Variants in DAB1 observed in about 807,000 individuals in gnomAD.
DAB1 encodes disabled homolog 1.
In DAB1, 15 loss-of-function variants were observed where a neutral mutation model predicts 64.6. The observed-to-expected ratio is 0.23, with a 90% CI of 0.16 to 0.36. DAB1 has a LOEUF of 0.36. DAB1 is among the 10% of genes least tolerant of loss of function. DAB1 has a pLI of 1.00. For missense variants in DAB1, 596 were observed against 706.7 expected, an observed-to-expected ratio of 0.84 and a Z score of 1.78; for synonymous variants, 235 against 251.9, an observed-to-expected ratio of 0.93 and a Z score of 0.64.
At chr1:57,760,585 TTC>T (rs1649032054) in intron 6 of DAB1, among the ~76,000 whole-genome samples, 1 of 148,060 alleles carries the variant, frequency 6.8e-6, no homozygotes, top group African/African-American at 2.5e-5. Context: ...ATATAATTCT[TTC>T]TCTCTCAACT....
chr1:58,325,057 T>C (rs1183172299), intron 4 of DAB1, among the ~76,000 whole-genome samples: 1 of 152,222 alleles, frequency 6.6e-6, no homozygotes, highest in Non-Finnish European at 1.5e-5. Context: ...AGGTCAGACT[T>C]GGCATATGAG....
In DAB1 at chr1:57,314,287, T is replaced by C. The variant is rs574230321; in HGVS notation, c.-136-23121A>G. Among the ~76,000 whole-genome samples the C allele has an allele frequency of 2.6e-5, 4 of 152,334 alleles. No individual in the cohort carries two copies. In the East Asian group the frequency reaches 7.7e-4, roughly 29 times the overall value. Reference sequence around the variant, plus strand: ...GGGGAAACTTTGTCAAAATTGTCCTTGTTATTAATTTTTGAAAAACATCAA... The same window carrying C: ...GGGGAAACTTTGTCAAAATTGTCCTCGTTATTAATTTTTGAAAAACATCAA... On this transcript the variant is annotated intron_variant, in intron 1 of 14. Coordinates refer to ENST00000371236, the MANE Select transcript of DAB1 (RefSeq NM_001365792.1).
chr1:57,228,086 A>G (rs1171661791), intron 2 of DAB1, among the ~76,000 whole-genome samples: 1 of 152,210 alleles, frequency 6.6e-6, no homozygotes, highest in African/African-American at 2.4e-5. Flanking sequence ...CTTTTCCTCT[A>G]TCAACAGACT....
chr1:58,025,091 A>T (rs1459233422), intron 5 of DAB1, among the ~76,000 whole-genome samples: 1 of 142,438 alleles, frequency 7.0e-6, no homozygotes, highest in African/African-American at 2.6e-5. Flanking sequence ...TCCTTCCCTC[A>T]CTCCCTTTTT....
At chr1:57,210,566 C>A (rs969036532) in intron 2 of DAB1, among the ~76,000 whole-genome samples, 2 of 152,062 alleles carry the variant, frequency 1.3e-5, no homozygotes, top group Non-Finnish European at 2.9e-5. Flanking sequence ...ATACCAAAGG[C>A]CTCATTCATC....
chr1:57,382,120 A>G (rs1261458485), intron 1 of DAB1, among the ~76,000 whole-genome samples: 1 of 152,188 alleles, frequency 6.6e-6, no homozygotes, highest in Non-Finnish European at 1.5e-5. Flanking sequence ...CTCAGTTGAG[A>G]GACTCACCTT....
intron 2 of DAB1, among the ~76,000 whole-genome samples, chr1:57,149,322 C>T (rs1659442330): frequency 6.6e-6 from 1 of 152,104 alleles, no homozygotes; most frequent in Non-Finnish European, 1.5e-5. Context: ...TGTATATATT[C>T]AATTCTCTTA....
intron 6 of DAB1, among the ~76,000 whole-genome samples, chr1:57,662,686 C>G (rs1054791273): frequency 1.3e-5 from 2 of 152,178 alleles, no homozygotes; most frequent in African/African-American, 4.8e-5. Flanking sequence ...CATCTAGGCT[C>G]TTAGATGAGA....
intron 7 of DAB1, among the ~76,000 whole-genome samples, chr1:57,496,524 C>T (rs909812318): frequency 6.6e-6 from 1 of 152,114 alleles, no homozygotes; most frequent in African/African-American, 2.4e-5. Context: ...TTTCACAGCC[C>T]ACGTCTTCTG....
chr1:58,497,670 A>G (rs1645826281), intron 3 of DAB1, among the ~76,000 whole-genome samples: 1 of 152,166 alleles, frequency 6.6e-6, no homozygotes, highest in Admixed American at 6.6e-5. Flanking sequence ...GAAATCTCTA[A>G]TTTGCAAGTA....
At chr1:57,052,098 T>C (rs982981842) in intron 9 of DAB1, among the ~76,000 whole-genome samples, 3 of 126,408 alleles carry the variant, frequency 2.4e-5, no homozygotes, top group Admixed American at 1.1e-4. Context: ...TTTCTTTATA[T>C]GTAAATCACG....
chr1:57,540,569 G>C (rs1440949875), intron 7 of DAB1, among the ~76,000 whole-genome samples: 1 of 152,134 alleles, frequency 6.6e-6, no homozygotes, highest in Non-Finnish European at 1.5e-5. Context: ...TGGATGAATG[G>C]ATAAAGAAAA....
rs763604065 is a variant in DAB1, at chr1:57,015,107, C to T, written c.1220G>A (p.Arg407Lys). ...TRSSPQTDKP[R>K]QKMGKETFKD... ...AAACGTTTCTTTGCCCATTTTCTGCCTGGGCTTGTCGGTCTGTGGACTTGA... is the reference window on the plus strand; with the variant it reads ...AAACGTTTCTTTGCCCATTTTCTGCTTGGGCTTGTCGGTCTGTGGACTTGA... The change falls in exon 12 of 15, where the codon AGG becomes AAG. Residue 407 changes from arginine to lysine, a missense_variant. By Grantham distance (26) the Arg-to-Lys change is conservative. Transcript: ENST00000371236. 1.9e-6 allele frequency: 3 copies of T among 1,614,162 alleles called. No individual in the cohort carries two copies. Among genetic ancestry groups the T allele is most frequent in the Non-Finnish European group, 2.5e-6 (3 of 1,180,026 alleles).
At chr1:58,021,601 GA>G (rs373012614) in intron 5 of DAB1, among the ~76,000 whole-genome samples, 41 of 152,274 alleles carry the variant, frequency 2.7e-4, no homozygotes, top group African/African-American at 9.9e-4. Flanking sequence ...GTGAGCATAT[GA>G]GTACCTACAG....
chr1:58,146,248 C>T (rs1015852938), intron 5 of DAB1, among the ~76,000 whole-genome samples: 10 of 152,034 alleles, frequency 6.6e-5, no homozygotes, highest in African/African-American at 2.4e-4. Context: ...GCTCTTCTAA[C>T]CCTCATGTTG....
chr1:57,624,461 C>T (rs1645898967), intron 7 of DAB1, among the ~76,000 whole-genome samples: 1 of 152,188 alleles, frequency 6.6e-6, no homozygotes, highest in Admixed American at 6.5e-5. Context: ...GTGTTTAGTG[C>T]TTAAGAGCTC....
intron 6 of DAB1, among the ~76,000 whole-genome samples, chr1:57,759,280 G>A (rs1466416399): frequency 1.3e-5 from 2 of 152,126 alleles, no homozygotes; most frequent in African/African-American, 2.4e-5. Context: ...CAAGCTGTGT[G>A]GCCTTAGGGA....
chr1:58,208,585 T>A (rs1404113063), intron 4 of DAB1, among the ~76,000 whole-genome samples: 1 of 152,202 alleles, frequency 6.6e-6, no homozygotes, highest in Non-Finnish European at 1.5e-5. Flanking sequence ...AGAATAATGG[T>A]CTGCAACTCC....
chr1:58,469,632 C>T (rs1020196147), intron 3 of DAB1, among the ~76,000 whole-genome samples: 1 of 152,222 alleles, frequency 6.6e-6, no homozygotes, highest in Non-Finnish European at 1.5e-5. Flanking sequence ...TGTGATTAAT[C>T]TCACTCTAGG....
Sources: allele counts gnomAD v4.1 joint callset (sites outside exome capture counted in the v4.1 genomes callset), GRCh38; gene constraint gnomAD v4.1.1; transcripts MANE v1.5; gene names NCBI Gene and HGNC (gene_info 2026-07-23, HGNC 2026-07-21).